Variants in PCSK2 observed in about 807,000 individuals in gnomAD.
PCSK2 encodes the protein neuroendocrine convertase 2.
PCSK2 carries 14 observed loss-of-function variants against 69.7 expected under a neutral mutation model. The observed-to-expected ratio is 0.20, with a 90% CI of 0.13 to 0.31. The LOEUF is 0.31. Ranked by LOEUF, PCSK2 falls within the 10% of genes least tolerant of loss-of-function variation. The pLI, the probability that PCSK2 is intolerant of heterozygous loss-of-function variation, is 1.00. For synonymous variants in PCSK2, 307 were observed against 320.7 expected, an observed-to-expected ratio of 0.96 and a Z score of 0.46; for missense variants, 544 against 842.5, an observed-to-expected ratio of 0.65 and a Z score of 4.39.
chr20:17,287,161 A>C (rs12480527), intron 2 of PCSK2, among the ~76,000 whole-genome samples: 2 of 152,072 alleles, frequency 1.3e-5, no homozygotes, highest in Non-Finnish European at 2.9e-5. Flanking sequence ...ATCTAAAAAA[A>C]AAAAATACCT....
intron 4 of PCSK2, among the ~76,000 whole-genome samples, chr20:17,366,195 G>A (rs1422206417): frequency 6.6e-6 from 1 of 152,170 alleles, no homozygotes; most frequent in Non-Finnish European, 1.5e-5. Flanking sequence ...TTCTACCTAG[G>A]AATGTGCACA....
At chr20:17,233,960 A>G (rs2122935455) in intron 1 of PCSK2, among the ~76,000 whole-genome samples, 1 of 152,290 alleles carries the variant, frequency 6.6e-6, no homozygotes, top group East Asian at 1.9e-4. Flanking sequence ...GTACATTTTG[A>G]CACCAAATGC....
chr20:17,385,801 C>A (rs184829557), intron 5 of PCSK2, among the ~76,000 whole-genome samples: 1 of 152,126 alleles, frequency 6.6e-6, no homozygotes, highest in African/African-American at 2.4e-5. Flanking sequence ...CTGTGGGCAA[C>A]AGGAGCTCAG....
At chr20:17,362,581 G>A (rs1180942797) in intron 4 of PCSK2, among the ~76,000 whole-genome samples, 4 of 152,136 alleles carry the variant, frequency 2.6e-5, no homozygotes, top group Admixed American at 2.6e-4. Context: ...CTCACATGAG[G>A]CCTCCAGCAA....
intron 11 of PCSK2, among the ~76,000 whole-genome samples, chr20:17,471,672 C>T (rs1253158391): frequency 6.6e-6 from 1 of 152,234 alleles, no homozygotes; most frequent in Non-Finnish European, 1.5e-5. Context: ...CCTCCGGTCC[C>T]TCGTCCACCC....
intron 5 of PCSK2, among the ~76,000 whole-genome samples, chr20:17,372,077 G>A (rs1163082608): frequency 6.6e-6 from 1 of 152,184 alleles, no homozygotes; most frequent in African/African-American, 2.4e-5. Context: ...GGTAACCACA[G>A]AAGCAAAATT....
At chr20:17,425,703 G>C (rs951536401) in intron 6 of PCSK2, among the ~76,000 whole-genome samples, 1 of 152,164 alleles carries the variant, frequency 6.6e-6, no homozygotes, top group Non-Finnish European at 1.5e-5. Context: ...GTCCATCTCT[G>C]TGTTCCTGGT....
chr20:17,383,785 G>C (rs1260194838), intron 5 of PCSK2, among the ~76,000 whole-genome samples: 3 of 152,102 alleles, frequency 2.0e-5, no homozygotes, highest in Non-Finnish European at 2.9e-5. Context: ...TGAGAAACGT[G>C]GTGTTACAGT....
chr20:17,296,195 C>T (rs544195921), intron 2 of PCSK2, among the ~76,000 whole-genome samples: 31 of 152,134 alleles, frequency 2.0e-4, no homozygotes, highest in Non-Finnish European at 3.2e-4. Flanking sequence ...GGGCCACAGA[C>T]GTGGCTTGGC....
intron 5 of PCSK2, among the ~76,000 whole-genome samples, chr20:17,379,409 C>T (rs1238074386): frequency 2.0e-5 from 3 of 152,196 alleles, no homozygotes; most frequent in Non-Finnish European, 4.4e-5. Context: ...GCAACAAAGA[C>T]CAAGAAACAA....
At chr20:17,239,733 A>G (rs1221520474) in intron 1 of PCSK2, among the ~76,000 whole-genome samples, 3 of 152,066 alleles carry the variant, frequency 2.0e-5, no homozygotes, top group African/African-American at 7.2e-5. Flanking sequence ...ACATAATGCA[A>G]CACACTAAGA....
chr20:17,428,716 T>C (rs1485854545), intron 6 of PCSK2, among the ~76,000 whole-genome samples: 1 of 152,044 alleles, frequency 6.6e-6, no homozygotes, highest in African/African-American at 2.4e-5. Context: ...TGGACTTTTC[T>C]AGCCACACTC....
At chr20:17,430,819 T>C (rs1008975743) in intron 7 of PCSK2, among the ~76,000 whole-genome samples, 1 of 152,178 alleles carries the variant, frequency 6.6e-6, no homozygotes, top group Non-Finnish European at 1.5e-5. Context: ...AATTCAAACC[T>C]GAATTTCTTG....
chr20:17,384,933 A>G (rs573815663), intron 5 of PCSK2, among the ~76,000 whole-genome samples: 1 of 152,292 alleles, frequency 6.6e-6, no homozygotes, highest in African/African-American at 2.4e-5. Context: ...GACTCAAAAA[A>G]ATAAGAAAAA....
chr20:17,252,592 G>A (rs1448426832), intron 1 of PCSK2, among the ~76,000 whole-genome samples: 2 of 152,192 alleles, frequency 1.3e-5, no homozygotes, highest in East Asian at 3.9e-4. Context: ...TCATAGCGCT[G>A]TTACGAGGAA....
Position 17,482,190 on chromosome 20 carries a change from T to A in PCSK2, c.*120T>A. ...CGTACAGGCAATTCCGTCTTCTTAA[T>A]CTGAAGCTTCACTCACTGTCAATGA... is the stretch of plus-strand genomic sequence containing the variant. On this transcript the variant is annotated 3_prime_UTR_variant, in exon 12 of 12. Coordinates refer to ENST00000262545, the MANE Select transcript of PCSK2 (RefSeq NM_002594.5). 1 of 869,396 alleles carries A rather than the reference T, an allele frequency of 1.2e-6. No individual in the cohort carries two copies. The highest frequency in any genetic ancestry group is 2.7e-5 in the East Asian group (1 of 37,252). 53.9% of individuals were successfully genotyped at this position (869,396 alleles called of 1,614,324 possible).
intron 2 of PCSK2, among the ~76,000 whole-genome samples, chr20:17,347,279 C>T (rs1308196839): frequency 1.3e-5 from 2 of 152,210 alleles, no homozygotes; most frequent in African/African-American, 2.4e-5. Flanking sequence ...CTGTCTGCTG[C>T]CTGCTCCCTC....
At chr20:17,457,556 A>G (rs2032943580) in intron 10 of PCSK2, among the ~76,000 whole-genome samples, 1 of 152,220 alleles carries the variant, frequency 6.6e-6, no homozygotes, top group Non-Finnish European at 1.5e-5. Flanking sequence ...CAAAATTCAG[A>G]TAGAAAATTT....
chr20:17,330,300 C>A (rs1223560861), intron 2 of PCSK2, among the ~76,000 whole-genome samples: 1 of 152,012 alleles, frequency 6.6e-6, no homozygotes, highest in East Asian at 1.9e-4. Context: ...AGTATATCAA[C>A]TAAGAATTCT....
Sources: allele counts gnomAD v4.1 joint callset (sites outside exome capture counted in the v4.1 genomes callset), GRCh38; gene constraint gnomAD v4.1.1; transcripts MANE v1.5; gene names NCBI Gene and HGNC (gene_info 2026-07-23, HGNC 2026-07-21).